The following ALCAM variants were observed in gnomAD, a reference collection of about 807,000 sequenced individuals.
ALCAM encodes CD166 antigen.
In ALCAM, 30 loss-of-function variants were observed where a neutral mutation model predicts 70.9. The ratio of observed to expected loss-of-function variants is 0.42; its 90% CI spans 0.32 to 0.57. The LOEUF (loss-of-function observed/expected upper bound fraction) is 0.57. ALCAM is among the 20% of genes least tolerant of loss of function. ALCAM has a pLI of 0.11. For synonymous variants in ALCAM, 249 were observed against 242.5 expected, an observed-to-expected ratio of 1.03 and a Z score of -0.25; for missense variants, 591 against 695.1, an observed-to-expected ratio of 0.85 and a Z score of 1.68.
intron 1 of ALCAM, among the ~76,000 whole-genome samples, chr3:105,462,137 A>G (rs1291042135): frequency 6.6e-6 from 1 of 151,754 alleles, no homozygotes; most frequent in African/African-American, 2.4e-5. Context: ...GCTAATAAAA[A>G]TTTAGAAATG....
intron 1 of ALCAM, among the ~76,000 whole-genome samples, chr3:105,420,034 A>G (rs1441635000): frequency 6.6e-6 from 1 of 151,658 alleles, no homozygotes; most frequent in East Asian, 1.9e-4. Context: ...ACAAGCACAA[A>G]TAAAAAAACC....
At chr3:105,433,141 G>A (rs908229783) in intron 1 of ALCAM, among the ~76,000 whole-genome samples, 3 of 152,046 alleles carry the variant, frequency 2.0e-5, no homozygotes, top group African/African-American at 7.2e-5. Context: ...AGGCTACAAG[G>A]ATTTCTAAGA....
intron 1 of ALCAM, among the ~76,000 whole-genome samples, chr3:105,417,175 G>A (rs1936527093): frequency 6.6e-6 from 1 of 151,386 alleles, no homozygotes; most frequent in African/African-American, 2.4e-5. Flanking sequence ...TCCTCTTCCA[G>A]GAAGGCTCTT....
At chr3:105,492,426 C>T (rs1938613089) in intron 1 of ALCAM, among the ~76,000 whole-genome samples, 1 of 152,164 alleles carries the variant, frequency 6.6e-6, no homozygotes, top group Non-Finnish European at 1.5e-5. Context: ...TCAGATACTA[C>T]CAATTCCTTT....
intron 1 of ALCAM, among the ~76,000 whole-genome samples, chr3:105,373,239 A>T (rs757696545): frequency 1.3e-5 from 2 of 152,196 alleles, no homozygotes; most frequent in Non-Finnish European, 2.9e-5. Flanking sequence ...GTTACAGTAA[A>T]CAGTGAAAAC....
intron 1 of ALCAM, among the ~76,000 whole-genome samples, chr3:105,407,170 T>C (rs1289032254): frequency 2.0e-5 from 3 of 151,938 alleles, no homozygotes; most frequent in Non-Finnish European, 2.9e-5. Flanking sequence ...TTCCAAAAGA[T>C]AGAGAAAGAG....
At chr3:105,411,977 G>A (rs1157702229) in intron 1 of ALCAM, among the ~76,000 whole-genome samples, 1 of 151,918 alleles carries the variant, frequency 6.6e-6, no homozygotes, top group Non-Finnish European at 1.5e-5. Context: ...CAGGAGCAAA[G>A]GCGAAAAAAA....
intron 1 of ALCAM, among the ~76,000 whole-genome samples, chr3:105,518,186 C>A (rs1396518760): frequency 6.6e-6 from 1 of 151,984 alleles, no homozygotes; most frequent in Non-Finnish European, 1.5e-5. Context: ...TGTTTTCACT[C>A]CTTGGCCAAT....
intron 4 of ALCAM, among the ~76,000 whole-genome samples, chr3:105,532,871 G>C (rs774645301): frequency 6.6e-6 from 1 of 152,074 alleles, no homozygotes; most frequent in Non-Finnish European, 1.5e-5. Context: ...TATTCTGTTG[G>C]CAAATTATGC....
At chr3:105,410,610 A>G (rs1936363472) in intron 1 of ALCAM, among the ~76,000 whole-genome samples, 1 of 152,022 alleles carries the variant, frequency 6.6e-6, no homozygotes, top group Non-Finnish European at 1.5e-5. Context: ...TCCACTGTTG[A>G]TACATTTGTA....
chr3:105,422,667 G>A (rs1028980142), intron 1 of ALCAM, among the ~76,000 whole-genome samples: 3 of 151,314 alleles, frequency 2.0e-5, no homozygotes, highest in Non-Finnish European at 4.4e-5. Flanking sequence ...GTTGTATTAC[G>A]GAGCAGAACA....
At chr3:105,443,318 T>C (rs1937219295) in intron 1 of ALCAM, among the ~76,000 whole-genome samples, 1 of 152,180 alleles carries the variant, frequency 6.6e-6, no homozygotes, top group South Asian at 2.1e-4. Flanking sequence ...TCCCCAGCTT[T>C]CTCCAGATCC....
At chr3:105,448,038 C>G (rs960782143) in intron 1 of ALCAM, among the ~76,000 whole-genome samples, 2 of 152,132 alleles carry the variant, frequency 1.3e-5, no homozygotes, top group Admixed American at 6.5e-5. Flanking sequence ...TATGATTTCA[C>G]TACCAACAAC....
chr3:105,541,659 A>C lies in ALCAM; in HGVS notation c.885A>C (p.Ser295=), dbSNP rs369105011. The part of the protein sequence containing the change: ...LPGQPEGIRS[S]NTYTLTDVRR... Reference sequence around the variant, plus strand: ...GACAGCCCGAAGGAATAAGAAGCTCAAATACTTACACACTGACGGATGTGA... The same window carrying C: ...GACAGCCCGAAGGAATAAGAAGCTCCAATACTTACACACTGACGGATGTGA... The change falls in exon 8 of 16, where the codon TCA becomes TCC. Residue 295 remains serine (S), a synonymous_variant. Transcript: ENST00000306107. 19 of 1,612,032 alleles carry C rather than the reference A, an allele frequency of 1.2e-5. No individual in the cohort carries two copies. The highest frequency in any genetic ancestry group is 1.6e-5 in the Non-Finnish European group (19 of 1,178,708).
At chr3:105,536,320 C>T (rs1939969653) in intron 6 of ALCAM, among the ~76,000 whole-genome samples, 1 of 152,034 alleles carries the variant, frequency 6.6e-6, no homozygotes, top group Admixed American at 6.6e-5. Context: ...TCTCGAACTC[C>T]TGACCTCAGG....
At chr3:105,562,206 A>G (rs1367940395) in intron 14 of ALCAM, among the ~76,000 whole-genome samples, 1 of 152,218 alleles carries the variant, frequency 6.6e-6, no homozygotes, top group Non-Finnish European at 1.5e-5. Flanking sequence ...GTAACTCATA[A>G]AATTCCAACT....
intron 15 of ALCAM, among the ~76,000 whole-genome samples, chr3:105,573,542 A>T (rs1201376151): frequency 6.6e-6 from 1 of 152,208 alleles, no homozygotes; most frequent in Admixed American, 6.5e-5. Context: ...GTAGAGGCAT[A>T]TGACTGTTAT....
chr3:105,424,387 G>A (rs780800071), intron 1 of ALCAM, among the ~76,000 whole-genome samples: 2 of 151,568 alleles, frequency 1.3e-5, no homozygotes, highest in Admixed American at 6.6e-5. Flanking sequence ...AGAATAGTCC[G>A]AATTTCAAAA....
At chr3:105,532,097 T>TAAG in intron 4 of ALCAM, 31 bp downstream of exon 4, 1 of 1,582,392 alleles carries the variant, frequency 6.3e-7, no homozygotes, top group East Asian at 2.2e-5. Flanking sequence ...ATACCTTTAT[T>TAAG]TAGCCAGTGT....
Sources: allele counts gnomAD v4.1 joint callset (sites outside exome capture counted in the v4.1 genomes callset), GRCh38; gene constraint gnomAD v4.1.1; transcripts MANE v1.5; gene names NCBI Gene and HGNC (gene_info 2026-07-23, HGNC 2026-07-21).